Variants in CSMD3 observed in about 807,000 individuals in gnomAD.
The protein encoded by CSMD3 is CUB and sushi domain-containing protein 3.
CSMD3 carries 177 observed loss-of-function variants against 435.2 expected under a neutral mutation model. That is an observed-to-expected ratio of 0.41 (90% CI 0.36 to 0.46). CSMD3 has a LOEUF of 0.46. CSMD3 is among the 20% of genes least tolerant of loss of function. The pLI is 0.34. For synonymous variants in CSMD3, 1,656 were observed against 1,520.5 expected (o/e 1.09, Z -2.07); for missense variants, 4,265 against 4,504.6 (o/e 0.95, Z 1.52).
At chr8:113,168,346 C>A (rs1259491576) in intron 4 of CSMD3, among the ~76,000 whole-genome samples, 1 of 151,612 alleles carries the variant, frequency 6.6e-6, no homozygotes, top group Admixed American at 6.6e-5. Context: ...CATGGTCAAA[C>A]CCTGTCTCTA....
chr8:112,743,403 G>C (rs2077357630), intron 13 of CSMD3, among the ~76,000 whole-genome samples: 1 of 151,728 alleles, frequency 6.6e-6, no homozygotes, highest in African/African-American at 2.4e-5. Context: ...TTAATTAATA[G>C]CAAGAGCATA....
At chr8:112,732,686 C>G (rs1239403053) in intron 13 of CSMD3, among the ~76,000 whole-genome samples, 1 of 109,346 alleles carries the variant, frequency 9.1e-6, no homozygotes, top group South Asian at 2.7e-4. Flanking sequence ...GGTGACAGAG[C>G]AAGACTCCAT....
At chr8:113,087,463 C>G (rs1486095071) in intron 5 of CSMD3, among the ~76,000 whole-genome samples, 2 of 126,910 alleles carry the variant, frequency 1.6e-5, no homozygotes, top group African/African-American at 2.9e-5. Context: ...AACTACACTA[C>G]AAGGCTACAG....
chr8:113,042,820 A>T (rs2087678494), intron 5 of CSMD3, among the ~76,000 whole-genome samples: 1 of 152,212 alleles, frequency 6.6e-6, no homozygotes, highest in African/African-American at 2.4e-5. Flanking sequence ...TCACCCAGCC[A>T]GATAAACCTT....
At chr8:112,902,275 A>G (rs2082125542) in intron 10 of CSMD3, among the ~76,000 whole-genome samples, 1 of 151,204 alleles carries the variant, frequency 6.6e-6, no homozygotes, top group South Asian at 2.1e-4. Flanking sequence ...TGTCTGACCC[A>G]TAGTTATTGT....
intron 63 of CSMD3, 32 bp downstream of exon 63, chr8:112,254,221 T>C: frequency 1.3e-6 from 2 of 1,488,840 alleles, no homozygotes; most frequent in Non-Finnish European, 1.9e-6. Context: ...TGACCTAGTA[T>C]GATGCTAAAT....
At chr8:112,857,681 A>T (rs539697104) in intron 11 of CSMD3, among the ~76,000 whole-genome samples, 1 of 151,878 alleles carries the variant, frequency 6.6e-6, no homozygotes, top group African/African-American at 2.4e-5. Context: ...AGTTATTTAT[A>T]GGCTTGCTTA....
intron 5 of CSMD3, among the ~76,000 whole-genome samples, chr8:113,093,419 GA>G (rs564662792): frequency 7.2e-5 from 11 of 152,232 alleles, no homozygotes; most frequent in African/African-American, 2.6e-4. Context: ...CAGTGAATAA[GA>G]ATGAAGGATG....
intron 3 of CSMD3, among the ~76,000 whole-genome samples, chr8:113,244,237 G>A (rs931187906): frequency 1.3e-5 from 2 of 152,156 alleles, no homozygotes; most frequent in Non-Finnish European, 2.9e-5. Context: ...CTAATGCAAA[G>A]TCAAGGATAT....
chr8:112,948,664 C>T (rs1381769456), intron 8 of CSMD3, among the ~76,000 whole-genome samples: 1 of 151,852 alleles, frequency 6.6e-6, no homozygotes, highest in Non-Finnish European at 1.5e-5. Context: ...TTAAAGTGAA[C>T]TGGAGGATAA....
intron 11 of CSMD3, among the ~76,000 whole-genome samples, chr8:112,842,023 T>C (rs1365877685): frequency 6.6e-6 from 1 of 151,778 alleles, no homozygotes; most frequent in African/African-American, 2.4e-5. Context: ...TGAATAGAGA[T>C]TCCAGGAGAC....
intron 31 of CSMD3, among the ~76,000 whole-genome samples, chr8:112,492,135 T>C (rs1820764252): frequency 6.6e-6 from 1 of 152,212 alleles, no homozygotes; most frequent in Non-Finnish European, 1.5e-5. Flanking sequence ...AAATGTTAGT[T>C]TCAGTGTGTT....
chr8:112,224,419 T>A lies in CSMD3; in HGVS notation c.*352A>T. ...CTTATTTCTACCCTATATCTTTTTT[T>A]TTAAACCCAGTCCCTCTAATATAGT... On this transcript the variant is annotated 3_prime_UTR_variant, in exon 71 of 71. Coordinates refer to ENST00000297405, the MANE Select transcript of CSMD3 (RefSeq NM_198123.2). The A allele has an allele frequency of 3.2e-6, 1 of 311,312 alleles. No individual in the cohort carries two copies. The highest frequency in any genetic ancestry group is 6.3e-6 in the Non-Finnish European group (1 of 159,760). The allele number at this position is 311,312 out of a possible 1,614,324, so 19.3% of individuals were successfully genotyped here.
intron 11 of CSMD3, among the ~76,000 whole-genome samples, chr8:112,835,141 AG>A (rs2079984990): frequency 6.6e-6 from 1 of 151,900 alleles, no homozygotes; most frequent in Non-Finnish European, 1.5e-5. Flanking sequence ...ACTTTCCAGA[AG>A]TAAAAAATCC....
intron 10 of CSMD3, among the ~76,000 whole-genome samples, chr8:112,870,364 G>A (rs1286075232): frequency 6.6e-6 from 1 of 151,594 alleles, no homozygotes; most frequent in Non-Finnish European, 1.5e-5. Context: ...CACCTCCCGG[G>A]TTCACGCCAT....
Position 112,621,831 on chromosome 8 carries a change from A to T in CSMD3, c.3715+14986T>A, listed in dbSNP as rs1834093918. Among the ~76,000 whole-genome samples the T allele has an allele frequency of 2.0e-5, 3 of 152,272 alleles. No individual in the cohort carries two copies. In the South Asian group the frequency reaches 6.2e-4, roughly 32 times the overall value. On this transcript the variant is annotated intron_variant, in intron 22 of 70. Coordinates refer to ENST00000297405, the MANE Select transcript of CSMD3 (RefSeq NM_198123.2). ...TTATCCAATTTCTTGGCTTTCAAAA[A>T]TATCTATATGCTAATATCCTGTAAC...
chr8:112,514,383 C>CGGGTT (rs1280515940), intron 28 of CSMD3, among the ~76,000 whole-genome samples: 1 of 152,054 alleles, frequency 6.6e-6, no homozygotes, highest in Non-Finnish European at 1.5e-5. Flanking sequence ...CCCATCTAAC[C>CGGGTT]ATAAAGCATT....
chr8:112,893,102 T>TACTACTACTACTACA (rs1371618610), intron 10 of CSMD3, among the ~76,000 whole-genome samples: 1 of 150,942 alleles, frequency 6.6e-6, no homozygotes, highest in Non-Finnish European at 1.5e-5. Flanking sequence ...ACTACAAAAC[T>TACTACTACTACTACA]ACTACTACTA....
intron 32 of CSMD3, among the ~76,000 whole-genome samples, chr8:112,440,725 C>T (rs1019884534): frequency 1.3e-5 from 2 of 152,204 alleles, no homozygotes; most frequent in African/African-American, 2.4e-5. Context: ...CATGTGGAAG[C>T]TGCCAAGGTT....
Sources: gnomAD v4.1 joint callset for allele counts (sites outside exome capture counted in the v4.1 genomes callset) on GRCh38, gnomAD v4.1.1 for gene constraint, MANE v1.5 for transcripts, NCBI Gene and HGNC (gene_info 2026-07-23, HGNC 2026-07-21) for gene names.